Variants in ATPAF1 observed in about 807,000 individuals in gnomAD.
ATPAF1 encodes the protein ATP synthase mitochondrial F1 complex assembly factor 1.
Under a neutral mutation model 43.9 loss-of-function variants are expected in ATPAF1, and 26 were observed. The observed-to-expected ratio is 0.59, with a 90% CI of 0.43 to 0.82. The LOEUF (loss-of-function observed/expected upper bound fraction) is 0.82. Among genes scored for constraint, ATPAF1 ranks in the 40% least tolerant of loss-of-function variants. The probability of loss-of-function intolerance (pLI) is 0.00; values close to 1 mark genes in which losing one functional copy is unlikely to be tolerated. For missense variants in ATPAF1, 366 were observed against 435.0 expected (o/e 0.84, Z 1.41); for synonymous variants, 157 against 168.0 (o/e 0.93, Z 0.50).
At chr1:46,665,095 A>C (rs1377400029) in intron 2 of ATPAF1, 161 bp downstream of exon 2, 1 of 667,732 alleles carries the variant, frequency 1.5e-6, no homozygotes, top group Non-Finnish European at 2.6e-6. Context: ...TTTGCCTAGA[A>C]AGAGCAGGAT....
downstream of ATPAF1, chr1:46,633,438 G>C (rs915095968): frequency 9.4e-6 from 2 of 211,924 alleles, no homozygotes; most frequent in African/African-American, 4.8e-5. Context: ...CCCAAAATTA[G>C]ATAGTTTAAG....
chr1:46,647,475 A>G (rs1192603729), intron 6 of ATPAF1, among the ~76,000 whole-genome samples: 1 of 149,810 alleles, frequency 6.7e-6, no homozygotes, highest in Non-Finnish European at 1.5e-5. Flanking sequence ...ACTGCTGAAT[A>G]TTATTCCATT....
chr1:46,656,030 G>A (rs1347780599), intron 4 of ATPAF1, among the ~76,000 whole-genome samples: 3 of 152,198 alleles, frequency 2.0e-5, no homozygotes, highest in African/African-American at 7.2e-5. Flanking sequence ...AGAAATGCTG[G>A]TTGAATGATA....
chr1:46,658,753 C>A lies in ATPAF1; in HGVS notation c.376-16G>T, dbSNP rs372821456. 108 of 1,566,062 alleles carry A rather than the reference C, an allele frequency of 6.9e-5. No individual in the cohort carries two copies. Among genetic ancestry groups the A allele is most frequent in the Non-Finnish European group, 9.2e-5 (106 of 1,152,338 alleles). On this transcript the variant is annotated splice_polypyrimidine_tract_variant and intron_variant, in intron 2 of 8. Coordinates refer to ENST00000574428, the Ensembl canonical transcript of ATPAF1. ...AGGCATCTGTCTGAAATATATAAGA[C>A]AAGATATTAATCTACACTTTACTCA...
chr1:46,647,713 A>C lies in ATPAF1; in HGVS notation c.589-2457T>G, dbSNP rs558165877. Among the ~76,000 whole-genome samples the C allele has an allele frequency of 2.2e-4, 34 of 152,332 alleles. No homozygotes were observed. In the East Asian group the frequency reaches 6.4e-3, roughly 29 times the overall value. On this transcript the variant is annotated intron_variant, in intron 6 of 8. Coordinates refer to ENST00000574428, the Ensembl canonical transcript of ATPAF1. Reference sequence around the variant, plus strand: ...TAGTTAGTATGGCAGGTATATGCTTAATTTTTAAAGAAACAGCCGAACTAT... The same window carrying C: ...TAGTTAGTATGGCAGGTATATGCTTCATTTTTAAAGAAACAGCCGAACTAT...
intron 8 of ATPAF1, among the ~76,000 whole-genome samples, chr1:46,637,091 T>C (rs1371724768): frequency 6.6e-6 from 1 of 152,224 alleles, no homozygotes; most frequent in East Asian, 1.9e-4. Context: ...AGCCACTAGA[T>C]TTTGTATAAT....
chr1:46,654,787 G>A (rs989129450), intron 4 of ATPAF1, among the ~76,000 whole-genome samples: 1 of 151,888 alleles, frequency 6.6e-6, no homozygotes, highest in Non-Finnish European at 1.5e-5. Flanking sequence ...GAGAACATGC[G>A]GTGTTTGGTT....
intron 4 of ATPAF1, 124 bp downstream of exon 4, chr1:46,658,003 C>A: frequency 2.2e-6 from 2 of 898,734 alleles, no homozygotes; most frequent in South Asian, 1.5e-5. Context: ...AGTAATTCAT[C>A]ACTTTTGCCT....
chr1:46,653,834 C>A lies in ATPAF1; in HGVS notation c.523G>T (p.Val175Phe). 1 of 1,611,274 alleles carries A rather than the reference C, an allele frequency of 6.2e-7. No homozygotes were observed. Among genetic ancestry groups the A allele is most frequent in the South Asian group, 1.1e-5 (1 of 90,244 alleles). Residue 175 changes from valine to phenylalanine, a missense_variant, in exon 5 of 9, where the codon GTC becomes TTC. Transcript: ENST00000574428. The surrounding 1 kb of genome is among the most constrained non-coding windows in gnomAD (Gnocchi z 4.8). ...CTACTTACAGGAATAACTGCGTAGACTGTATCTTTTGCTGCAAAATATTGC... is the reference window on the plus strand; with the variant it reads ...CTACTTACAGGAATAACTGCGTAGAATGTATCTTTTGCTGCAAAATATTGC...
chr1:46,651,984 A>G (rs1676177639), intron 6 of ATPAF1, among the ~76,000 whole-genome samples: 1 of 152,140 alleles, frequency 6.6e-6, no homozygotes, highest in African/African-American at 2.4e-5. Context: ...ACAATGAGAT[A>G]CCATCTCACA....
At position 46,668,340 on chromosome 1, in the gene ATPAF1, CCT is replaced by C; in HGVS notation, c.-20_-19del. ...GCAGCCATGGCCGCCCCCGCCTCCT[CCT>C]CCTCCTCAGGCGCGTCGGCCTCGGC... On this transcript the variant is annotated 5_prime_UTR_variant, in exon 1 of 9. Coordinates refer to ENST00000574428, the Ensembl canonical transcript of ATPAF1. The surrounding 1 kb of genome is among the most constrained non-coding windows in gnomAD (Gnocchi z 4.4). 7.4e-7 allele frequency: 1 copy of C among 1,349,526 alleles called. No individual in the cohort carries two copies. Among genetic ancestry groups the C allele is most frequent in the South Asian group, 1.7e-5 (1 of 58,246 alleles). The allele number at this position is 1,349,526 out of a possible 1,614,324, so 83.6% of individuals were successfully genotyped here. A position where few individuals can be genotyped will look rare whatever the true frequency, so the allele number is the denominator to read the frequency against.
intron 1 of ATPAF1, among the ~76,000 whole-genome samples, chr1:46,667,278 TG>T (rs1676507219): frequency 3.9e-5 from 6 of 152,204 alleles, no homozygotes; most frequent in Admixed American, 2.6e-4. Flanking sequence ...ACTAAGTCTT[TG>T]GTTTCCTTTC....
intron 2 of ATPAF1, among the ~76,000 whole-genome samples, chr1:46,663,091 G>T (rs1029037666): frequency 6.6e-6 from 1 of 152,174 alleles, no homozygotes; most frequent in African/African-American, 2.4e-5. Flanking sequence ...CTTCATCCAT[G>T]TCCCTACAAA....
intron 6 of ATPAF1, among the ~76,000 whole-genome samples, chr1:46,646,890 C>G (rs1374392525): frequency 6.6e-6 from 1 of 152,190 alleles, no homozygotes; most frequent in East Asian, 1.9e-4. Context: ...GATTTGCTTT[C>G]TGCCACTATA....
Position 46,653,883 on chromosome 1 carries a change from A to G in ATPAF1, c.490-16T>C, listed in dbSNP as rs748259655. On this transcript the variant is annotated splice_polypyrimidine_tract_variant and intron_variant, in intron 4 of 8. Transcript: ENST00000574428. This position sits in a 1 kb window ranked among gnomAD's most constrained non-coding sequence, Gnocchi z 4.8. ...GCTGCCAAATCTGTACAAAAAAGAG[A>G]GGGGTGTCTGTGACATGTGGGTAAT... 3.1e-6 allele frequency: 5 copies of G among 1,609,272 alleles called. No homozygotes were observed. The South Asian group carries it at 5.6e-5, about 18-fold the overall frequency.
In ATPAF1 at chr1:46,653,808, A is replaced by G; in HGVS notation, c.540+9T>C. The G allele has an allele frequency of 1.2e-6, 2 of 1,606,240 alleles. No homozygotes were observed. Among genetic ancestry groups the G allele is most frequent in the Non-Finnish European group, 1.7e-6 (2 of 1,176,516 alleles). On this transcript the variant is annotated intron_variant, in intron 5 of 8. Transcript: ENST00000574428. The surrounding 1 kb of genome is among the most constrained non-coding windows in gnomAD (Gnocchi z 4.8). ...GTAACACTTTCACTTTGCCCTCCAAACTACTTACAGGAATAACTGCGTAGA... is the reference window on the plus strand; with the variant it reads ...GTAACACTTTCACTTTGCCCTCCAAGCTACTTACAGGAATAACTGCGTAGA...
At chr1:46,656,469 T>C (rs1356288821) in intron 4 of ATPAF1, among the ~76,000 whole-genome samples, 1 of 152,208 alleles carries the variant, frequency 6.6e-6, no homozygotes, top group African/African-American at 2.4e-5. Flanking sequence ...CTACTCTCAA[T>C]GTGGCATAAG....
At chr1:46,648,076 C>G (rs1448490982) in intron 6 of ATPAF1, among the ~76,000 whole-genome samples, 1 of 152,086 alleles carries the variant, frequency 6.6e-6, no homozygotes, top group Non-Finnish European at 1.5e-5. Flanking sequence ...TTTGGGTATG[C>G]AAATAGAATG....
At chr1:46,634,877 A>C (rs1162453407), downstream of ATPAF1, 1 of 152,642 alleles carries the variant, frequency 6.6e-6, no homozygotes, top group East Asian at 1.9e-4. Flanking sequence ...TGGACAGTAC[A>C]TAACTCAGAT....
Sources: allele counts gnomAD v4.1 joint callset (sites outside exome capture counted in the v4.1 genomes callset), GRCh38; gene constraint gnomAD v4.1.1; non-coding constraint Gnocchi (gnomAD v3.1); transcripts MANE v1.5; gene names NCBI Gene and HGNC (gene_info 2026-07-23, HGNC 2026-07-21).